The following KAT6B variants were observed in gnomAD, a reference collection of about 807,000 sequenced individuals.
KAT6B encodes lysine acetyltransferase 6B.
KAT6B carries 10 observed loss-of-function variants against 187.5 expected under a neutral mutation model. That is an observed-to-expected ratio of 0.05 (90% CI 0.03 to 0.09). KAT6B has a LOEUF of 0.09. Ranked by LOEUF, KAT6B falls within the 10% of genes least tolerant of loss-of-function variation. The pLI, the probability that KAT6B is intolerant of heterozygous loss-of-function variation, is 1.00. For missense variants in KAT6B, 1,952 were observed against 2,558.9 expected, an observed-to-expected ratio of 0.76 and a Z score of 5.12; for synonymous variants, 861 against 926.8, an observed-to-expected ratio of 0.93 and a Z score of 1.29.
chr10:75,019,007 A>G (rs1845191443), intron 13 of KAT6B, among the ~76,000 whole-genome samples: 1 of 152,048 alleles, frequency 6.6e-6, no homozygotes, highest in Non-Finnish European at 1.5e-5. Flanking sequence ...CTCCCTTCAT[A>G]CTCTGGCAAC....
rs377200752 is a variant in KAT6B at position 75,029,630 on chromosome 10, C to G, written c.4806C>G (p.Ser1602=). 2 of 1,614,154 alleles carry G rather than the reference C, an allele frequency of 1.2e-6. No homozygotes were observed. ...QQSDHSSPVS[S]VHSHPGQSVR... ...CGGACCACAGTAGCCCAGTTTCATC[C>G]GTCCACTCCCATCCTGGCCAGTCCG... Residue 1602 remains serine (S), a synonymous_variant, in exon 18 of 18, where the codon TCC becomes TCG. Coordinates refer to ENST00000287239, the MANE Select transcript of KAT6B (RefSeq NM_012330.4). The surrounding 1 kb of genome is among the most constrained non-coding windows in gnomAD (Gnocchi z 6.2).
chr10:74,912,947 A>G (rs1473837123), intron 3 of KAT6B, among the ~76,000 whole-genome samples: 4 of 152,184 alleles, frequency 2.6e-5, no homozygotes, highest in African/African-American at 9.7e-5. Context: ...CCTTGTTGCT[A>G]TTGATTGGGT....
intron 17 of KAT6B, 176 bp downstream of exon 17, chr10:75,025,425 G>C (rs2134201116): frequency 1.6e-6 from 1 of 626,294 alleles, no homozygotes; most frequent in Non-Finnish European, 2.8e-6. Flanking sequence ...CTTCTTCCTG[G>C]AATTGGATTT....
chr10:74,835,741 A>G (rs1268007606), intron 1 of KAT6B, among the ~76,000 whole-genome samples: 1 of 152,236 alleles, frequency 6.6e-6, no homozygotes, highest in Non-Finnish European at 1.5e-5. Context: ...CCTGGACCAC[A>G]GTAGGTGTCA....
chr10:74,882,237 T>TA (rs1421843601), intron 3 of KAT6B, among the ~76,000 whole-genome samples: 1 of 152,220 alleles, frequency 6.6e-6, no homozygotes, highest in Non-Finnish European at 1.5e-5. Context: ...TTGCTATTAG[T>TA]ATTAATCTGG....
In KAT6B at chr10:75,009,390, G is replaced by A. The variant is rs558318685; in HGVS notation, c.2630-11192G>A. ...AGTAGGCACTCAACTGTTGGACATA[G>A]CACAAAACCATTTCAAGCCTTTGCA... On this transcript the variant is annotated intron_variant, in intron 13 of 17. Transcript: ENST00000287239. 2.0e-5 allele frequency among the ~76,000 whole-genome samples: 3 copies of A among 152,186 alleles called. No homozygotes were observed. In the East Asian group the frequency reaches 5.8e-4, roughly 29 times the overall value.
At chr10:74,997,153 G>A (rs1182048620) in intron 13 of KAT6B, among the ~76,000 whole-genome samples, 1 of 151,774 alleles carries the variant, frequency 6.6e-6, no homozygotes, top group African/African-American at 2.4e-5. Context: ...CTTGAGCCCA[G>A]GAGTTCAACA....
chr10:74,895,954 GTTGTTGTTT>G (rs757369984), intron 3 of KAT6B, among the ~76,000 whole-genome samples: 46 of 151,950 alleles, frequency 3.0e-4, no homozygotes, highest in South Asian at 1.0e-3. Context: ...TGTTGTTGTT[GTTGTTGTTT>G]TTTTTTGCCT....
Position 74,900,747 on chromosome 10 carries a change from C to T in KAT6B, c.621+57269C>T, listed in dbSNP as rs187855979. Among the ~76,000 whole-genome samples the T allele has an allele frequency of 5.9e-5, 9 of 152,338 alleles. No homozygotes were observed. The East Asian group carries it at 1.7e-3, about 29-fold the overall frequency. On this transcript the variant is annotated intron_variant, in intron 3 of 17. Transcript: ENST00000287239. Reference sequence around the variant, plus strand: ...GGGTGGGAAATGTGCATAGCAGTCCCAGCCAATAGCTATCACTGCCTACCA... The same window carrying T: ...GGGTGGGAAATGTGCATAGCAGTCCTAGCCAATAGCTATCACTGCCTACCA...
At chr10:74,983,005 C>T (rs1487118825) in intron 11 of KAT6B, 2 of 152,224 alleles carry the variant, frequency 1.3e-5, no homozygotes, top group Non-Finnish European at 2.9e-5. Context: ...TCTGGGCCCA[C>T]TAGTTTTTCC....
At chr10:74,999,670 G>A (rs768363149) in intron 13 of KAT6B, among the ~76,000 whole-genome samples, 7 of 152,176 alleles carry the variant, frequency 4.6e-5, no homozygotes, top group Non-Finnish European at 7.4e-5. Flanking sequence ...CACTGTTACC[G>A]GAATTACACA....
At position 75,030,468 on chromosome 10, in the gene KAT6B, C is replaced by G. The variant is rs763993380; in HGVS notation, c.5644C>G (p.Pro1882Ala). 11 of 1,613,352 alleles carry G rather than the reference C, an allele frequency of 6.8e-6. No individual in the cohort carries two copies. Among genetic ancestry groups the G allele is most frequent in the Non-Finnish European group, 8.5e-7 (1 of 1,179,382 alleles). ...AGCACAAGCTACCATGACCCCACCC[C>G]CCAACCTGACTCCTCCTCCAATGAA... is the stretch of plus-strand genomic sequence containing the variant. ...PQAQATMTPPPNLTPPPMNLP... is the reference protein window; with the variant it reads ...PQAQATMTPPANLTPPPMNLP... The change falls in exon 18 of 18, where the codon CCC (proline) becomes GCC (alanine). Residue 1882 changes from proline to alanine, a missense_variant. This residue lies in a region of KAT6B where 358 missense variants were observed against 436.3 expected (regional missense o/e 0.82). Transcript: ENST00000287239. This position sits in a 1 kb window ranked among gnomAD's most constrained non-coding sequence, Gnocchi z 4.8.
intron 3 of KAT6B, among the ~76,000 whole-genome samples, chr10:74,947,868 A>G (rs1280705731): frequency 6.6e-6 from 1 of 152,150 alleles, no homozygotes; most frequent in Non-Finnish European, 1.5e-5. Flanking sequence ...TGCAGTTCCA[A>G]CACACCTTAC....
chr10:74,902,701 G>C (rs946039219), intron 3 of KAT6B, among the ~76,000 whole-genome samples: 1 of 152,084 alleles, frequency 6.6e-6, no homozygotes, highest in African/African-American at 2.4e-5. Context: ...GGCATCTGTA[G>C]GAATACTCTG....
chr10:75,020,173 C>T (rs752004199), intron 13 of KAT6B, among the ~76,000 whole-genome samples: 1 of 152,220 alleles, frequency 6.6e-6, no homozygotes, highest in Admixed American at 6.5e-5. Context: ...TGGAAAACAA[C>T]TTGCCCATTA....
At chr10:75,008,070 C>G (rs1589799385) in intron 13 of KAT6B, among the ~76,000 whole-genome samples, 1 of 152,174 alleles carries the variant, frequency 6.6e-6, no homozygotes, top group East Asian at 1.9e-4. Flanking sequence ...TTCACTTTCA[C>G]TCTTAAACTT....
At position 74,976,152 on chromosome 10, in the gene KAT6B, C is replaced by T. The variant is rs1457301708; in HGVS notation, c.1815C>T (p.Ser605=). The part of the protein sequence containing the change: ...SRFISHSSSS[S]WGMARGSIFK... ...TTATTTCTCACTCCTCCTCCTCTAG[C>T]TGGGGGATGGCTAGAGGAAGTATTT... is the stretch of plus-strand genomic sequence containing the variant. Residue 605 remains serine, a synonymous_variant, in exon 8 of 18, where the codon AGC becomes AGT. Transcript: ENST00000287239. 54 of 1,614,050 alleles carry T rather than the reference C, an allele frequency of 3.3e-5. No homozygotes were observed. The highest frequency in any genetic ancestry group is 4.5e-5 in the Non-Finnish European group (53 of 1,180,032).
At chr10:74,986,357 A>C (rs565204654) in intron 12 of KAT6B, among the ~76,000 whole-genome samples, 3 of 152,376 alleles carry the variant, frequency 2.0e-5, no homozygotes, top group South Asian at 4.1e-4. Flanking sequence ...TTTAGATAGA[A>C]GGTCCAAACT....
intron 3 of KAT6B, among the ~76,000 whole-genome samples, chr10:74,845,521 CAA>C (rs71024526): frequency 2.9e-4 from 19 of 64,696 alleles, no homozygotes; most frequent in South Asian, 9.3e-4. Context: ...GACTCTGTCT[CAA>C]AAAAAAAAAA....
Sources: allele counts gnomAD v4.1 joint callset (sites outside exome capture counted in the v4.1 genomes callset), GRCh38; gene constraint gnomAD v4.1.1; regional missense constraint gnomAD v4.1.1; non-coding constraint Gnocchi (gnomAD v3.1); transcripts MANE v1.5; gene names NCBI Gene and HGNC (gene_info 2026-07-23, HGNC 2026-07-21).